Variants in RASGEF1C observed in about 807,000 individuals in gnomAD.
The protein encoded by RASGEF1C is ras-GEF domain-containing family member 1C.
Under a neutral mutation model 58.1 loss-of-function variants are expected in RASGEF1C, and 27 were observed. The ratio of observed to expected loss-of-function variants is 0.46; its 90% CI spans 0.34 to 0.64. The LOEUF (loss-of-function observed/expected upper bound fraction) is 0.64. Ranked by LOEUF, RASGEF1C falls within the 30% of genes least tolerant of loss-of-function variation. The probability of loss-of-function intolerance (pLI) is 0.01; values close to 1 mark genes in which losing one functional copy is unlikely to be tolerated. For missense variants in RASGEF1C, 502 were observed against 605.1 expected (o/e 0.83, Z 1.79); for synonymous variants, 243 against 246.3 (o/e 0.99, Z 0.13).
intron 1 of RASGEF1C, among the ~76,000 whole-genome samples, chr5:180,146,328 G>T (rs1376963974): frequency 6.6e-6 from 1 of 151,996 alleles, no homozygotes; most frequent in East Asian, 1.9e-4. Flanking sequence ...TTTGTATTTT[G>T]GTACTTTTAA....
rs756427578 is a variant in RASGEF1C at position 180,121,043 on chromosome 5, CCTGG to C, written c.804+13_804+16del. 1.2e-6 allele frequency: 2 copies of C among 1,604,358 alleles called. No individual in the cohort carries two copies. The highest frequency in any genetic ancestry group is 1.7e-6 in the Non-Finnish European group (2 of 1,171,156). On this transcript the variant is annotated intron_variant, in intron 7 of 13. Transcript: ENST00000361132. ...TGGGGCTATGCCAGGTGGTGCCCAC[CCTGG>C]CTGTCTACTCACCATGCAGATCTCA...
intron 1 of RASGEF1C, among the ~76,000 whole-genome samples, chr5:180,144,156 G>A (rs1447427526): frequency 1.3e-5 from 2 of 152,196 alleles, no homozygotes; most frequent in Non-Finnish European, 2.9e-5. Flanking sequence ...CACAACACAG[G>A]CAGCAACTGC....
chr5:180,132,160 T>C (rs1381102232), intron 4 of RASGEF1C, among the ~76,000 whole-genome samples: 2 of 152,126 alleles, frequency 1.3e-5, no homozygotes, highest in Non-Finnish European at 2.9e-5. Flanking sequence ...CGTGCTGGGG[T>C]GGAGCAGCAC....
chr5:180,200,199 G>A (rs1306484613), intron 1 of RASGEF1C, among the ~76,000 whole-genome samples: 2 of 151,942 alleles, frequency 1.3e-5, no homozygotes, highest in African/African-American at 2.4e-5. Context: ...CTGGGAGGCG[G>A]AGGTTGCAGT....
chr5:180,139,818 C>T (rs906633323), intron 1 of RASGEF1C, among the ~76,000 whole-genome samples: 8 of 152,194 alleles, frequency 5.3e-5, no homozygotes, highest in Non-Finnish European at 1.0e-4. Context: ...GCCCAGGGCC[C>T]GGCAGCTCAG....
intron 13 of RASGEF1C, 102 bp downstream of exon 13, chr5:180,101,969 C>T: frequency 1.2e-6 from 1 of 836,466 alleles, no homozygotes; most frequent in Non-Finnish European, 2.0e-6. Context: ...CGGCCCTGTC[C>T]TGGTCCCAAG....
At chr5:180,119,223 G>T in intron 8 of RASGEF1C, 123 bp downstream of exon 8, 1 of 847,826 alleles carries the variant, frequency 1.2e-6, no homozygotes, top group Non-Finnish European at 1.9e-6. Flanking sequence ...AGAGAGCCCG[G>T]CCCACGCCCT....
intron 1 of RASGEF1C, among the ~76,000 whole-genome samples, chr5:180,207,660 C>T (rs1260956929): frequency 6.6e-6 from 1 of 152,162 alleles, no homozygotes; most frequent in Admixed American, 6.5e-5. Context: ...CCCGGCAGTG[C>T]GCCCACCCGC....
chr5:180,186,137 G>A (rs1756035059), intron 1 of RASGEF1C, among the ~76,000 whole-genome samples: 1 of 148,044 alleles, frequency 6.8e-6, no homozygotes, highest in Admixed American at 6.8e-5. Context: ...AACAATGCTC[G>A]CTTTTACCAT....
chr5:180,182,100 G>A (rs775334154), intron 1 of RASGEF1C, among the ~76,000 whole-genome samples: 10 of 150,856 alleles, frequency 6.6e-5, no homozygotes, highest in Non-Finnish European at 8.8e-5. Context: ...AGCTACACGG[G>A]AGGCTGAGGC....
chr5:180,208,523 A>G (rs1441170486), intron 1 of RASGEF1C, among the ~76,000 whole-genome samples: 1 of 152,158 alleles, frequency 6.6e-6, no homozygotes, highest in Non-Finnish European at 1.5e-5. Context: ...CTGTTCTCGC[A>G]GGCCCTCTGA....
At chr5:180,208,881 C>T (rs1265603564) in intron 1 of RASGEF1C, 147 bp downstream of exon 1, 1 of 150,076 alleles carries the variant, frequency 6.7e-6, no homozygotes, top group African/African-American at 2.4e-5. Flanking sequence ...GGACCCCGCC[C>T]CTGCTGACCC....
intron 4 of RASGEF1C, among the ~76,000 whole-genome samples, chr5:180,132,212 GA>G (rs1766381902): frequency 6.6e-6 from 1 of 152,246 alleles, no homozygotes; most frequent in Non-Finnish European, 1.5e-5. Flanking sequence ...TCTCCGCACT[GA>G]TCATAGTTGG....
chr5:180,137,943 G>T lies in RASGEF1C; in HGVS notation c.110C>A (p.Ala37Glu). Reference sequence around the variant, plus strand: ...TGTTTCCAGGGAGGCTGAGGATGGCGCTCCATCCAGGAGGGGCTGCCCAGC... The same window carrying T: ...TGTTTCCAGGGAGGCTGAGGATGGCTCTCCATCCAGGAGGGGCTGCCCAGC... ...EQAGQPLLDG[A>E]PSSASLETLI... The change falls in exon 2 of 14, where the codon GCG (alanine) becomes GAG (glutamate). Residue 37 changes from alanine (A) to glutamate (E), a missense_variant. Coordinates refer to ENST00000361132, the MANE Select transcript of RASGEF1C (RefSeq NM_175062.4). This position sits in a 1 kb window ranked among gnomAD's most constrained non-coding sequence, Gnocchi z 4.1. 6.2e-7 allele frequency: 1 copy of T among 1,613,048 alleles called. No homozygotes were observed. The highest frequency in any genetic ancestry group is 1.1e-5 in the South Asian group (1 of 91,030).
At chr5:180,175,265 C>G (rs148285271) in intron 1 of RASGEF1C, among the ~76,000 whole-genome samples, 20 of 152,208 alleles carry the variant, frequency 1.3e-4, no homozygotes, top group Admixed American at 3.9e-4. Flanking sequence ...CTGTGCAGGG[C>G]AGGCACTGGA....
rs1307972582 is a variant in RASGEF1C at position 180,113,864 on chromosome 5, A to AGATGGAGGGATCGAGGATG, written c.1179+563_1179+581dup. 9.4e-5 allele frequency among the ~76,000 whole-genome samples: 14 copies of AGATGGAGGGATCGAGGATG among 148,780 alleles called. No individual in the cohort carries two copies. In the South Asian group the frequency reaches 2.8e-3, roughly 30 times the overall value. ...GAGGATGGATGGAGGGATCGAGGAT[A>AGATGGAGGGATCGAGGATG]GATGGAGGGATCGAGGATGGATGGA... On this transcript the variant is annotated intron_variant, in intron 11 of 13. Transcript: ENST00000361132.
intron 12 of RASGEF1C, among the ~76,000 whole-genome samples, chr5:180,102,482 G>A (rs1038429674): frequency 4.6e-5 from 7 of 152,112 alleles, no homozygotes; most frequent in South Asian, 2.1e-4. Context: ...ATATTCTGAG[G>A]GTTATCTCTT....
At chr5:180,132,321 G>A (rs183977850) in intron 4 of RASGEF1C, among the ~76,000 whole-genome samples, 89 of 152,316 alleles carry the variant, frequency 5.8e-4, no homozygotes, top group Non-Finnish European at 9.7e-4. Context: ...ATGCGGAGTC[G>A]TCCGACGGTG....
intron 4 of RASGEF1C, among the ~76,000 whole-genome samples, chr5:180,134,862 G>T (rs4700877): frequency 9.6e-4 from 1 of 1,038 alleles, no homozygotes; most frequent in Non-Finnish European, 1.8e-3. Flanking sequence ...CCACCCACCT[G>T]TCCACCCTTC....
Sources: allele counts gnomAD v4.1 joint callset (sites outside exome capture counted in the v4.1 genomes callset), GRCh38; gene constraint gnomAD v4.1.1; non-coding constraint Gnocchi (gnomAD v3.1); transcripts MANE v1.5; gene names NCBI Gene and HGNC (gene_info 2026-07-23, HGNC 2026-07-21).